Variants in SEMA6A observed in about 807,000 individuals in gnomAD.
The protein encoded by SEMA6A is semaphorin-6A.
Under a neutral mutation model 96.8 loss-of-function variants are expected in SEMA6A, and 25 were observed. The observed-to-expected ratio is 0.26, with a 90% CI of 0.19 to 0.36. The LOEUF is 0.36. SEMA6A is among the 10% of genes least tolerant of loss of function. The probability of loss-of-function intolerance (pLI) is 1.00; values close to 1 mark genes in which losing one functional copy is unlikely to be tolerated. For synonymous variants in SEMA6A, 612 were observed against 518.0 expected (o/e 1.18, Z -2.46); for missense variants, 1,363 against 1,323.1 (o/e 1.03, Z -0.47).
At position 116,482,408 on chromosome 5, in the gene SEMA6A, A is replaced by G. The variant is rs759100467; in HGVS notation, c.1094+36T>C. 3 of 1,599,294 alleles carry G rather than the reference A, an allele frequency of 1.9e-6. No individual in the cohort carries two copies. In the South Asian group the frequency reaches 3.4e-5, roughly 18 times the overall value. On this transcript the variant is annotated intron_variant, in intron 11 of 18. Coordinates refer to ENST00000343348, the MANE Select transcript of SEMA6A (RefSeq NM_020796.5). ...CAGAGGTGCAAGCTTTGCCATTTCT[A>G]AAGTTTAAAATAGCCATATGAATAT...
At chr5:116,504,094 C>A (rs745390424) in intron 2 of SEMA6A, among the ~76,000 whole-genome samples, 1 of 152,074 alleles carries the variant, frequency 6.6e-6, no homozygotes, top group African/African-American at 2.4e-5. Context: ...ATGTTAGACA[C>A]CTTTGTATGG....
intron 1 of SEMA6A, among the ~76,000 whole-genome samples, chr5:116,523,769 G>A (rs1046280916): frequency 3.3e-5 from 5 of 152,184 alleles, no homozygotes; most frequent in Admixed American, 6.5e-5. Flanking sequence ...AGTGGCTTGG[G>A]TGTGACCTGG....
In SEMA6A at chr5:116,497,338, A is replaced by C. The variant is rs754581847; in HGVS notation, c.268T>G (p.Tyr90Asp). 2 of 1,595,120 alleles carry C rather than the reference A, an allele frequency of 1.3e-6. No homozygotes were observed. The highest frequency in any genetic ancestry group is 1.7e-6 in the Non-Finnish European group (2 of 1,163,914). The stretch of plus-strand genomic sequence containing the variant: ...TTAAAACAACTTACTTTGCTACAAT[A>C]AATTTCTTCCGTGTGTGATGTGTCT... Reference protein sequence around the residue: ...DIDTSHTEEIYCSKKLTWKSR... With the variant: ...DIDTSHTEEIDCSKKLTWKSR... Residue 90 changes from tyrosine to aspartate, a missense_variant, in exon 4 of 19, where the codon TAT becomes GAT. Physicochemically the swap from Tyr to Asp is radical, Grantham distance 160 (BLOSUM62 -3). This residue lies in a region of SEMA6A where 480 missense variants were observed against 559.5 expected (regional missense o/e 0.86). Transcript: ENST00000343348.
At chr5:116,529,698 G>A (rs1759377860) in intron 1 of SEMA6A, among the ~76,000 whole-genome samples, 1 of 152,096 alleles carries the variant, frequency 6.6e-6, no homozygotes, top group Non-Finnish European at 1.5e-5. Context: ...GTTGTTTTAT[G>A]GTTTAAAACT....
rs965785280 is a variant in SEMA6A, at chr5:116,447,184, A to G, written c.2522T>C (p.Met841Thr). The G allele has an allele frequency of 1.2e-6, 2 of 1,614,018 alleles. No individual in the cohort carries two copies. The highest frequency in any genetic ancestry group is 1.7e-6 in the Non-Finnish European group (2 of 1,179,896). ...DQPKMSEVAQ[M>T]ALEDQAATLE... ...TGTGGCGGCCTGGTCCTCCAGCGCC[A>G]TCTGGGCCACCTCGCTCATTTTGGG... Residue 841 changes from methionine to threonine, a missense_variant, in exon 19 of 19, where the codon ATG becomes ACG. Physicochemically the swap from Met to Thr is moderately conservative, Grantham distance 81. Coordinates refer to ENST00000343348, the MANE Select transcript of SEMA6A (RefSeq NM_020796.5).
intron 18 of SEMA6A, among the ~76,000 whole-genome samples, chr5:116,448,170 TAAAAAAA>T (rs59202921): frequency 0.69 from 82,022 of 119,386 alleles, 28,003 homozygotes; most frequent in South Asian, 0.79. Flanking sequence ...CCGTCTCTAC[TAAAAAAA>T]AAAAAAAAAA....
intron 1 of SEMA6A, among the ~76,000 whole-genome samples, chr5:116,559,280 G>A (rs574612339): frequency 6.6e-6 from 1 of 152,144 alleles, no homozygotes; most frequent in African/African-American, 2.4e-5. Context: ...TGGAAGCTTG[G>A]GGGGATGAAT....
intron 18 of SEMA6A, among the ~76,000 whole-genome samples, chr5:116,456,332 C>G (rs1283010483): frequency 2.0e-5 from 3 of 152,148 alleles, no homozygotes; most frequent in Non-Finnish European, 4.4e-5. Context: ...TTCTCTAAAG[C>G]TTGAGACATG....
intron 17 of SEMA6A, chr5:116,472,531 G>C (rs995426304): frequency 1.0e-5 from 2 of 192,100 alleles, no homozygotes; most frequent in African/African-American, 2.4e-5. Context: ...TGTATCAGCT[G>C]AGGAGCTATA....
At chr5:116,559,246 A>G (rs1040284234) in intron 1 of SEMA6A, among the ~76,000 whole-genome samples, 1 of 152,162 alleles carries the variant, frequency 6.6e-6, no homozygotes, top group Non-Finnish European at 1.5e-5. Context: ...CAATAGGACT[A>G]GTGAAAGATT....
At chr5:116,514,168 T>C (rs1289430195) in intron 1 of SEMA6A, among the ~76,000 whole-genome samples, 1 of 152,210 alleles carries the variant, frequency 6.6e-6, no homozygotes, top group African/African-American at 2.4e-5. Context: ...GATTGCTGGG[T>C]CGAATGGTAT....
At position 116,447,650 on chromosome 5, in the gene SEMA6A, G is replaced by C; in HGVS notation, c.2056C>G (p.Arg686Gly). The C allele has an allele frequency of 6.2e-7, 1 of 1,614,022 alleles. No homozygotes were observed. Among genetic ancestry groups the C allele is most frequent in the African/African-American group, 1.3e-5 (1 of 75,058 alleles). The change falls in exon 19 of 19, where the codon CGC becomes GGC. Residue 686 changes from arginine (R) to glycine (G), a missense_variant. By Grantham distance (125) the Arg-to-Gly change is moderately radical. Transcript: ENST00000343348. ...GAGTGGGTGAGCTCCTTCTCCTTGC[G>C]CTGCACCACAGCCACGTCTTTGCGC... ...HRRKDVAVVQ[R>G]KEKELTHSRR... is the part of the protein sequence containing the mutation.
intron 1 of SEMA6A, among the ~76,000 whole-genome samples, chr5:116,559,342 A>C (rs1760723464): frequency 6.6e-6 from 1 of 152,178 alleles, no homozygotes; most frequent in African/African-American, 2.4e-5. Flanking sequence ...TCGCCCAGAT[A>C]GCAGAAGCAG....
chr5:116,495,617 G>A, intron 5 of SEMA6A, 103 bp from the exon 6 acceptor site: 1 of 748,720 alleles, frequency 1.3e-6, no homozygotes, highest in Non-Finnish European at 2.2e-6. Flanking sequence ...AAGTGGAGGT[G>A]GCTGAGGACT....
intron 8 of SEMA6A, 75 bp downstream of exon 8, chr5:116,488,813 C>A: frequency 1.4e-6 from 2 of 1,445,508 alleles, no homozygotes; most frequent in Non-Finnish European, 1.8e-6. Flanking sequence ...AGTCTGGTCC[C>A]TCCAGACTCT....
chr5:116,567,408 G>C (rs1217940593), intron 1 of SEMA6A, among the ~76,000 whole-genome samples: 1 of 152,046 alleles, frequency 6.6e-6, no homozygotes, highest in Non-Finnish European at 1.5e-5. Flanking sequence ...CAGAATAAAA[G>C]TACTATCTGC....
chr5:116,460,783 CTTTTTTTT>C (rs57285277), intron 18 of SEMA6A, among the ~76,000 whole-genome samples: 1 of 122,850 alleles, frequency 8.1e-6, no homozygotes, highest in Non-Finnish European at 1.7e-5. Flanking sequence ...TTGTTAATCT[CTTTTTTTT>C]TTTTTTTTTT....
chr5:116,547,523 T>TC (rs1307724707), intron 1 of SEMA6A, among the ~76,000 whole-genome samples: 29 of 152,030 alleles, frequency 1.9e-4, no homozygotes, highest in Admixed American at 1.8e-3. Flanking sequence ...TTCATCATTT[T>TC]CCCCTCATTT....
In SEMA6A at chr5:116,477,904, G is replaced by C; in HGVS notation, c.1591C>G (p.Pro531Ala). 1 of 1,613,964 alleles carries C rather than the reference G, an allele frequency of 6.2e-7. No individual in the cohort carries two copies. Among genetic ancestry groups the C allele is most frequent in the Non-Finnish European group, 8.5e-7 (1 of 1,179,856 alleles). ...CCTTCCTTTATCCATCCACAATATGGGTCTCTGGAGGCAATACAGGTTCTG... is the reference window on the plus strand; with the variant it reads ...CCTTCCTTTATCCATCCACAATATGCGTCTCTGGAGGCAATACAGGTTCTG... The part of the protein sequence containing the change: ...CKKTCIASRD[P>A]YCGWIKEGGA... The change falls in exon 15 of 19, where the codon CCA becomes GCA. Residue 531 changes from proline (P) to alanine (A), a missense_variant. Physicochemically the swap from Pro to Ala is conservative, Grantham distance 27. Around this residue, in one of 2 missense-constraint regions of SEMA6A, gnomAD observed 883 missense variants for 763.6 expected, o/e 1.16. Transcript: ENST00000343348.
Sources: gnomAD v4.1 joint callset for allele counts (sites outside exome capture counted in the v4.1 genomes callset) on GRCh38, gnomAD v4.1.1 for gene constraint, gnomAD v4.1.1 regional missense constraint, MANE v1.5 for transcripts, NCBI Gene and HGNC (gene_info 2026-07-23, HGNC 2026-07-21) for gene names.